The following CELF4 variants were observed in gnomAD, a reference collection of about 807,000 sequenced individuals.
CELF4 encodes CUGBP Elav-like family member 4.
Under a neutral mutation model 59.9 loss-of-function variants are expected in CELF4, and 18 were observed. The ratio of observed to expected loss-of-function variants is 0.30; its 90% CI spans 0.21 to 0.45. The LOEUF (loss-of-function observed/expected upper bound fraction) is 0.45, where lower values mean the gene tolerates loss of function less well. CELF4 is among the 20% of genes least tolerant of loss of function. The pLI is 1.00. For missense variants in CELF4, 456 were observed against 689.0 expected (o/e 0.66, Z 3.79); for synonymous variants, 261 against 267.1 (o/e 0.98, Z 0.22).
chr18:37,247,120 G>A (rs1031240538), intron 12 of CELF4: 18 of 152,120 alleles, frequency 1.2e-4, no homozygotes, highest in African/African-American at 4.3e-4. Flanking sequence ...TCATGCAACC[G>A]ATTCTTAGCC....
chr18:37,488,456 A>G (rs994305150), intron 1 of CELF4, among the ~76,000 whole-genome samples: 3 of 152,190 alleles, frequency 2.0e-5, no homozygotes, highest in Non-Finnish European at 4.4e-5. Context: ...GGTGGGGCCA[A>G]TAGGCACAGA....
chr18:37,292,206 T>C (rs2095383305), intron 3 of CELF4, among the ~76,000 whole-genome samples: 1 of 152,184 alleles, frequency 6.6e-6, no homozygotes, highest in Admixed American at 6.5e-5. Flanking sequence ...TGGTTTATGG[T>C]ATTTTTGTTA....
At chr18:37,526,840 T>C (rs1415025227) in intron 1 of CELF4, among the ~76,000 whole-genome samples, 1 of 150,166 alleles carries the variant, frequency 6.7e-6, no homozygotes, top group African/African-American at 2.5e-5. Flanking sequence ...TCGTGGGCTG[T>C]GGGACCTTGG....
intron 12 of CELF4, among the ~76,000 whole-genome samples, chr18:37,252,530 C>T (rs1235426201): frequency 6.6e-6 from 1 of 151,682 alleles, no homozygotes; most frequent in Non-Finnish European, 1.5e-5. Flanking sequence ...CCAGGTGGCC[C>T]TCCTCACTCT....
chr18:37,275,994 TG>T (rs1279338422), intron 3 of CELF4: 1 of 152,224 alleles, frequency 6.6e-6, no homozygotes, highest in African/African-American at 2.4e-5. Flanking sequence ...GAATAAAGAA[TG>T]AATGACTGCC....
intron 3 of CELF4, among the ~76,000 whole-genome samples, chr18:37,298,263 T>C (rs4799911): frequency 0.34 from 52,111 of 151,992 alleles, 9,121 homozygotes; most frequent in South Asian, 0.48. Context: ...ATAGCTTTTC[T>C]CACCATGACA....
chr18:37,353,375 G>A (rs915402055), intron 2 of CELF4, among the ~76,000 whole-genome samples: 3 of 151,848 alleles, frequency 2.0e-5, no homozygotes, highest in Non-Finnish European at 4.4e-5. Context: ...ATGGAGTGAC[G>A]GGGCTGGCCC....
chr18:37,395,685 C>T (rs1443366731), intron 2 of CELF4, among the ~76,000 whole-genome samples: 2 of 152,224 alleles, frequency 1.3e-5, no homozygotes, highest in Non-Finnish European at 1.5e-5. Flanking sequence ...GTGGTAGAGG[C>T]GCTGAAGTCC....
At chr18:37,425,230 A>G (rs995490907) in intron 2 of CELF4, among the ~76,000 whole-genome samples, 2 of 152,244 alleles carry the variant, frequency 1.3e-5, no homozygotes, top group South Asian at 2.1e-4. Context: ...TCATCTGACC[A>G]TGATGCTACC....
At chr18:37,286,740 G>A (rs1452187634) in intron 3 of CELF4, among the ~76,000 whole-genome samples, 5 of 152,112 alleles carry the variant, frequency 3.3e-5, no homozygotes, top group African/African-American at 1.2e-4. Flanking sequence ...GACTGATCTG[G>A]CGGCTGCAGC....
intron 3 of CELF4, among the ~76,000 whole-genome samples, chr18:37,304,472 G>T (rs1200549517): frequency 1.3e-5 from 2 of 152,224 alleles, no homozygotes; most frequent in East Asian, 1.9e-4. Flanking sequence ...GCAGTGGGTG[G>T]AGGTAACCTG....
At chr18:37,378,607 A>T (rs1436098846) in intron 2 of CELF4, among the ~76,000 whole-genome samples, 1 of 152,246 alleles carries the variant, frequency 6.6e-6, no homozygotes, top group East Asian at 1.9e-4. Context: ...ATTCATTGCC[A>T]TGAAATAAAC....
intron 2 of CELF4, among the ~76,000 whole-genome samples, chr18:37,444,652 A>ACACACGCG (rs71168259): frequency 6.9e-6 from 1 of 144,082 alleles, no homozygotes; most frequent in African/African-American, 2.6e-5. Context: ...ACACACACAC[A>ACACACGCG]CGCGAACGAT....
chr18:37,442,840 G>A (rs146600999), intron 2 of CELF4, among the ~76,000 whole-genome samples: 1 of 152,244 alleles, frequency 6.6e-6, no homozygotes, highest in East Asian at 1.9e-4. Flanking sequence ...TCTGGGCAGG[G>A]CTCCATAATC....
chr18:37,360,530 A>G (rs1257886306), intron 2 of CELF4, among the ~76,000 whole-genome samples: 1 of 152,152 alleles, frequency 6.6e-6, no homozygotes, highest in Non-Finnish European at 1.5e-5. Flanking sequence ...GGGCAGTACT[A>G]CTGAAATCAT....
At chr18:37,278,524 G>C (rs866174868) in intron 3 of CELF4, among the ~76,000 whole-genome samples, 1 of 152,168 alleles carries the variant, frequency 6.6e-6, no homozygotes, top group African/African-American at 2.4e-5. Context: ...CCGCTCCCCT[G>C]CTCCACAACT....
intron 3 of CELF4, among the ~76,000 whole-genome samples, chr18:37,302,690 AG>A (rs2154461381): frequency 6.6e-6 from 1 of 152,290 alleles, no homozygotes; most frequent in Admixed American, 6.5e-5. Flanking sequence ...TGGGTGCTGC[AG>A]GGGATGGAGA....
chr18:37,512,969 G>C (rs1386978419), intron 1 of CELF4, among the ~76,000 whole-genome samples: 2 of 152,186 alleles, frequency 1.3e-5, no homozygotes, highest in Admixed American at 6.5e-5. Flanking sequence ...CAGAGAGCTG[G>C]AGAATGGGAA....
rs143084363 is a variant in CELF4 at position 37,390,705 on chromosome 18, G to A, written c.370-68824C>T. ...CTGAGTGAATGGGTGGATGATTAAA[G>A]CAGCAGCCAGAACAAGAGCCAAGCA... On this transcript the variant is annotated intron_variant, in intron 2 of 12. Coordinates refer to ENST00000420428, the MANE Select transcript of CELF4 (RefSeq NM_020180.4). Among the ~76,000 whole-genome samples the A allele has an allele frequency of 6.5e-3, 967 of 149,614 alleles. 5 individuals carry two copies. The highest frequency in any genetic ancestry group is 0.022 in the African/African-American group (882 of 40,890).
Sources: allele counts gnomAD v4.1 joint callset (sites outside exome capture counted in the v4.1 genomes callset), GRCh38; gene constraint gnomAD v4.1.1; transcripts MANE v1.5; gene names NCBI Gene and HGNC (gene_info 2026-07-23, HGNC 2026-07-21).